CUBN: variants seen among roughly 807,000 people sequenced by gnomAD.
The protein encoded by CUBN is 460 kDa receptor.
In CUBN, 282 loss-of-function variants were observed where a neutral mutation model predicts 405.3. The observed-to-expected ratio is 0.70, with a 90% CI of 0.63 to 0.77. CUBN has a LOEUF of 0.77. Ranked by LOEUF, CUBN falls within the 30% of genes least tolerant of loss-of-function variation. CUBN has a pLI of 0.00. For missense variants in CUBN, 4,514 were observed against 4,475.2 expected (o/e 1.01, Z -0.25); for synonymous variants, 1,684 against 1,617.0 (o/e 1.04, Z -0.99).
At chr10:17,001,563 G>A (rs965102936) in intron 28 of CUBN, among the ~76,000 whole-genome samples, 1 of 152,196 alleles carries the variant, frequency 6.6e-6, no homozygotes, top group African/African-American at 2.4e-5. Flanking sequence ...ACTGGACCCA[G>A]GAAGTCCAGC....
chr10:16,906,373 T>C lies in CUBN; in HGVS notation c.7742A>G (p.Asn2581Ser). The change falls in exon 50 of 67, where the codon AAC (asparagine) becomes AGC (serine). Residue 2581 changes from asparagine (N) to serine (S), a missense_variant. Around this residue, in one of 5 missense-constraint regions of CUBN, gnomAD observed 1,613 missense variants for 1,542.8 expected, o/e 1.05. Transcript: ENST00000377833. ...GGSLPNTPEG[N>S]FTSPGYDGVR... The stretch of plus-strand genomic sequence containing the variant: ...TCCGTCATAGCCAGGAGAAGTAAAG[T>C]TTCCTTCAGGAGTATTTGGAAGAGA... 3.1e-6 allele frequency: 5 copies of C among 1,613,992 alleles called. No homozygotes were observed. Among genetic ancestry groups the C allele is most frequent in the Non-Finnish European group, 4.2e-6 (5 of 1,179,902 alleles).
At chr10:16,831,927 T>C (rs1296684176) in intron 64 of CUBN, among the ~76,000 whole-genome samples, 1 of 152,186 alleles carries the variant, frequency 6.6e-6, no homozygotes, top group Non-Finnish European at 1.5e-5. Flanking sequence ...ATGCAAAGTA[T>C]AATAAAGTTC....
At chr10:17,043,712 T>G in intron 26 of CUBN, 115 bp downstream of exon 26, 2 of 1,433,608 alleles carry the variant, frequency 1.4e-6, no homozygotes, top group Admixed American at 3.4e-5. Context: ...AGGCCCACTC[T>G]AGGCACTGAA....
chr10:17,113,061 T>G (rs886669603), intron 8 of CUBN, among the ~76,000 whole-genome samples: 1 of 150,904 alleles, frequency 6.6e-6, no homozygotes, highest in East Asian at 2.0e-4. Context: ...AGGCCAGGAG[T>G]TTGAGACCAG....
intron 56 of CUBN, among the ~76,000 whole-genome samples, chr10:16,884,506 C>T (rs559932849): frequency 6.6e-6 from 1 of 151,880 alleles, no homozygotes; most frequent in East Asian, 1.9e-4. Flanking sequence ...TTAATAATAC[C>T]AGATTCCAAA....
chr10:16,898,089 T>TATATATATATATATA (rs1841246249), intron 54 of CUBN, among the ~76,000 whole-genome samples: 1 of 147,368 alleles, frequency 6.8e-6, no homozygotes, highest in African/African-American at 2.5e-5. Flanking sequence ...TATATATATG[T>TATATATATATATATA]TATACACATA....
In CUBN at chr10:16,990,461, G is replaced by C. The variant is rs201428284; in HGVS notation, c.4223C>G (p.Pro1408Arg). The change falls in exon 29 of 67, where the codon CCC (proline) becomes CGC (arginine). Residue 1408 changes from proline (P) to arginine (R), a missense_variant. Pro to Arg is a moderately radical substitution (Grantham distance 103). Transcript: ENST00000377833. ...ATGSFSSPGFPNRYPPNKECI... is the reference protein window; with the variant it reads ...ATGSFSSPGFRNRYPPNKECI... ...CTCCTTGTTTGGTGGATACCTGTTGGGGAACCCGGGGCTGCTGAAGGAGCC... is the reference window on the plus strand; with the variant it reads ...CTCCTTGTTTGGTGGATACCTGTTGCGGAACCCGGGGCTGCTGAAGGAGCC... 4.4e-5 allele frequency: 71 copies of C among 1,613,994 alleles called. No individual in the cohort carries two copies. The highest frequency in any genetic ancestry group is 4.7e-5 in the Non-Finnish European group (56 of 1,180,024).
chr10:17,061,684 G>A lies in CUBN; in HGVS notation c.3139+3824C>T, dbSNP rs187471158. On this transcript the variant is annotated intron_variant, in intron 22 of 66. Transcript: ENST00000377833. The stretch of plus-strand genomic sequence containing the variant: ...AGGGAGGCCAAGAAAGCCCAGTAGG[G>A]CTCATCTCTAATCCTGTGTTGTTGT... Among the ~76,000 whole-genome samples, 184 of 152,268 alleles carry A rather than the reference G, an allele frequency of 1.2e-3. 2 individuals carry two copies. Among genetic ancestry groups the A allele is most frequent in the African/African-American group, 4.1e-3 (171 of 41,550 alleles).
At chr10:17,126,873 T>A (rs1372537357) in intron 3 of CUBN, 74 bp from the exon 4 acceptor site, 1 of 1,491,922 alleles carries the variant, frequency 6.7e-7, no homozygotes, top group African/African-American at 1.4e-5. Flanking sequence ...ATCCTTGACA[T>A]ATTGTCCTAA....
intron 22 of CUBN, among the ~76,000 whole-genome samples, chr10:17,055,202 T>A (rs908574253): frequency 1.3e-5 from 2 of 152,040 alleles, no homozygotes. Context: ...TACCAAAAGA[T>A]GCAGAAAAAT....
intron 31 of CUBN, among the ~76,000 whole-genome samples, chr10:16,981,313 T>C (rs1833266107): frequency 6.6e-6 from 1 of 152,098 alleles, no homozygotes; most frequent in African/African-American, 2.4e-5. Flanking sequence ...ACCCACTTCC[T>C]CCAACCTCTT....
At chr10:17,057,611 G>C (rs1347875185) in intron 22 of CUBN, among the ~76,000 whole-genome samples, 1 of 152,014 alleles carries the variant, frequency 6.6e-6, no homozygotes, top group Non-Finnish European at 1.5e-5. Context: ...TTTTACGCAA[G>C]AGAATGAATA....
At position 16,939,130 on chromosome 10, in the gene CUBN, T is replaced by A. The variant is rs777345086; in HGVS notation, c.5566A>T (p.Ile1856Phe). The stretch of plus-strand genomic sequence containing the variant: ...GCGACTTTCCCATGAGTTCCCACAA[T>A]ATTATCATTGCCAAATACTAGGAGG... ...TFMKIFGNDN[I>F]VGTHGKVASP... The change falls in exon 38 of 67, where the codon ATT becomes TTT. Residue 1856 changes from isoleucine (I) to phenylalanine (F), a missense_variant. By Grantham distance (21) the Ile-to-Phe change is conservative. Around this residue, in one of 5 missense-constraint regions of CUBN, gnomAD observed 1,613 missense variants for 1,542.8 expected, o/e 1.05. Transcript: ENST00000377833. 6.8e-6 allele frequency: 11 copies of A among 1,613,622 alleles called. No individual in the cohort carries two copies. In the African/African-American group the frequency reaches 1.5e-4, roughly 22 times the overall value.
chr10:17,015,913 C>T (rs911608011), intron 28 of CUBN, among the ~76,000 whole-genome samples: 21 of 152,148 alleles, frequency 1.4e-4, no homozygotes, highest in Non-Finnish European at 4.4e-5. Flanking sequence ...GTCTGAGGAC[C>T]ATGACTAAGG....
chr10:17,006,060 C>T lies in CUBN; in HGVS notation c.4168+13773G>A, dbSNP rs190488642. ...AGAGAGGCCTCAGGAGAAACCAACC[C>T]TGCCGACACCTTGACCTTGGACTTC... On this transcript the variant is annotated intron_variant, in intron 28 of 66. Coordinates refer to ENST00000377833, the MANE Select transcript of CUBN (RefSeq NM_001081.4). Among the ~76,000 whole-genome samples the T allele has an allele frequency of 2.5e-3, 375 of 152,286 alleles. 2 individuals are homozygous for T. The highest frequency in any genetic ancestry group is 8.1e-3 in the African/African-American group (338 of 41,546).
In CUBN at chr10:16,989,590, T is replaced by TACAC. The variant is rs1554806193; in HGVS notation, c.4350+740_4350+743dup. 7.4e-3 allele frequency among the ~76,000 whole-genome samples: 1,086 copies of TACAC among 147,310 alleles called. 8 individuals carry two copies. The highest frequency in any genetic ancestry group is 0.041 in the East Asian group (208 of 5,072). On this transcript the variant is annotated intron_variant, in intron 29 of 66. Coordinates refer to ENST00000377833, the MANE Select transcript of CUBN (RefSeq NM_001081.4). The stretch of plus-strand genomic sequence containing the variant: ...GCTATATATTTAAAATATATATATA[T>TACAC]ACACACACACACACATATTCTAATG...
intron 59 of CUBN, among the ~76,000 whole-genome samples, chr10:16,856,389 A>C (rs1237225757): frequency 1.3e-5 from 2 of 152,186 alleles, no homozygotes; most frequent in Non-Finnish European, 2.9e-5. Flanking sequence ...TTCTTCAGAG[A>C]AAATACATGT....
At chr10:16,844,204 G>A (rs1167851023) in intron 60 of CUBN, among the ~76,000 whole-genome samples, 2 of 151,496 alleles carry the variant, frequency 1.3e-5, no homozygotes, top group African/African-American at 2.4e-5. Context: ...GGGAGGCAGA[G>A]GTTGCAGTGA....
Position 17,114,179 on chromosome 10 carries a change from C to A in CUBN, c.731G>T (p.Ser244Ile). Residue 244 changes from serine (S) to isoleucine (I), a missense_variant, in exon 8 of 67, where the codon AGC becomes ATC. Transcript: ENST00000377833. ...CATCCACCCAGCATCACAGACGCAGCTGTACTTGGGCTGGCAGGATGACAA... is the reference window on the plus strand; with the variant it reads ...CATCCACCCAGCATCACAGACGCAGATGTACTTGGGCTGGCAGGATGACAA... ...MREQAGEPKY[S>I]CVCDAGWMFS... The A allele has an allele frequency of 1.2e-6, 2 of 1,613,810 alleles. No homozygotes were observed. Among genetic ancestry groups the A allele is most frequent in the South Asian group, 2.2e-5 (2 of 90,922 alleles).
Sources: allele counts gnomAD v4.1 joint callset (sites outside exome capture counted in the v4.1 genomes callset), GRCh38; gene constraint gnomAD v4.1.1; regional missense constraint gnomAD v4.1.1; transcripts MANE v1.5; gene names NCBI Gene and HGNC (gene_info 2026-07-23, HGNC 2026-07-21).